MPC2: variants seen among roughly 807,000 people sequenced by gnomAD.
MPC2 encodes the protein mitochondrial pyruvate carrier 2.
A neutral mutation model predicts 19.2 loss-of-function variants in MPC2; 19 were observed. The ratio of observed to expected loss-of-function variants is 0.99; its 90% CI spans 0.69 to 1.45. The LOEUF is 1.45. MPC2 is among the 40% of genes most tolerant of loss of function. MPC2 has a pLI of 0.00. For synonymous variants in MPC2, 61 were observed against 54.3 expected (o/e 1.12, Z -0.54); for missense variants, 122 against 153.0 (o/e 0.80, Z 1.07).
Position 167,919,962 on chromosome 1 carries a change from A to G in MPC2, c.347+17T>C. 2 of 1,574,268 alleles carry G rather than the reference A, an allele frequency of 1.3e-6. No individual in the cohort carries two copies. The highest frequency in any genetic ancestry group is 1.7e-6 in the Non-Finnish European group (2 of 1,158,800). On this transcript the variant is annotated intron_variant, in intron 5 of 5. Transcript: ENST00000271373. ...TAGCTTTTGCAACAGTTTTAAAAAT[A>G]TCTCTGGTAGGCTTACCTCCAAATA...
chr1:167,921,646 A>G (rs1670604479), intron 3 of MPC2, among the ~76,000 whole-genome samples: 1 of 152,140 alleles, frequency 6.6e-6, no homozygotes, highest in Non-Finnish European at 1.5e-5. Flanking sequence ...TATTTTTACC[A>G]AGTCACTATG....
intron 3 of MPC2, 163 bp downstream of exon 3, chr1:167,924,334 C>T: frequency 3.9e-6 from 2 of 512,778 alleles, no homozygotes. Context: ...TAGATAGTTG[C>T]TTTATGTAGA....
At chr1:167,932,607 G>A (rs1026522289) in intron 2 of MPC2, among the ~76,000 whole-genome samples, 11 of 152,024 alleles carry the variant, frequency 7.2e-5, no homozygotes, top group Non-Finnish European at 1.6e-4. Flanking sequence ...TCAGGAGTTT[G>A]AGACCAGCCT....
At chr1:167,934,628 T>C (rs1455479603) in intron 2 of MPC2, among the ~76,000 whole-genome samples, 1 of 152,232 alleles carries the variant, frequency 6.6e-6, no homozygotes, top group African/African-American at 2.4e-5. Flanking sequence ...TAGTAACCAG[T>C]TCAGACTCCA....
At chr1:167,935,384 C>A (rs767503488) in intron 2 of MPC2, among the ~76,000 whole-genome samples, 39 of 152,106 alleles carry the variant, frequency 2.6e-4, no homozygotes, top group Non-Finnish European at 1.5e-4. Flanking sequence ...TGCCACAATT[C>A]GAAAAGAGAA....
intron 2 of MPC2, among the ~76,000 whole-genome samples, chr1:167,929,176 T>C (rs182675762): frequency 1.5e-4 from 22 of 150,792 alleles, no homozygotes; most frequent in African/African-American, 5.4e-4. Flanking sequence ...CTGACCAACA[T>C]GGAGAAACCC....
chr1:167,921,015 C>T (rs571693817), intron 3 of MPC2, among the ~76,000 whole-genome samples: 1 of 152,094 alleles, frequency 6.6e-6, no homozygotes, highest in Non-Finnish European at 1.5e-5. Flanking sequence ...TGGAAGATAC[C>T]TAAAAGCTGT....
chr1:167,936,285 T>C (rs75094526), intron 1 of MPC2: 16,392 of 204,314 alleles, frequency 0.08, 786 homozygotes, highest in Middle Eastern at 0.1. Context: ...AAAGTGAAGC[T>C]GCGCTGGTTC....
chr1:167,920,181 T>C (rs1325951885), intron 4 of MPC2, 91 bp from the exon 5 acceptor site: 1 of 793,472 alleles, frequency 1.3e-6, no homozygotes, highest in East Asian at 2.6e-5. Flanking sequence ...ATTACAACAA[T>C]AATGTAGGAT....
chr1:167,936,128 C>T, intron 1 of MPC2: 1 of 466,502 alleles, frequency 2.1e-6, no homozygotes, highest in East Asian at 4.3e-5. Flanking sequence ...AAAATAATCA[C>T]CTCACCAAGT....
Position 167,920,637 on chromosome 1 carries a change from C to G in MPC2, c.151-6G>C. 6.2e-7 allele frequency: 1 copy of G among 1,609,140 alleles called. No individual in the cohort carries two copies. Among genetic ancestry groups the G allele is most frequent in the Non-Finnish European group, 8.5e-7 (1 of 1,178,006 alleles). On this transcript the variant is annotated splice_region_variant and splice_polypyrimidine_tract_variant and intron_variant, in intron 3 of 5. Coordinates refer to ENST00000271373, the MANE Select transcript of MPC2 (RefSeq NM_001143674.4). ...AATCCAGCACACACCAACCCCTACA[C>G]ATTAACGCATAGAAAGAAAAAAAGT...
intron 4 of MPC2, 146 bp downstream of exon 4, chr1:167,920,401 A>C: frequency 1.2e-6 from 1 of 861,444 alleles, no homozygotes; most frequent in African/African-American, 1.7e-5. Flanking sequence ...TCCATCCATA[A>C]CTTAATAACT....
rs572962307 is a variant in MPC2, at chr1:167,927,665, GGTTGATCCTTTGGGGTTAATA to G, written c.110-3149_110-3129del. Reference sequence around the variant, plus strand: ...GCTTAAATGGCTGACAGGCTTAAATGGTTGATCCTTTGGGGTTAATAGTCGATCTTTTCAGTAGGTTTGCCT... The same window carrying G: ...GCTTAAATGGCTGACAGGCTTAAATGGTCGATCTTTTCAGTAGGTTTGCCT... On this transcript the variant is annotated intron_variant, in intron 2 of 5. Transcript: ENST00000271373. 4.9e-3 allele frequency among the ~76,000 whole-genome samples: 725 copies of G among 149,442 alleles called. 2 individuals carry two copies. The highest frequency in any genetic ancestry group is 0.018 in the African/African-American group (695 of 39,350).
chr1:167,926,148 C>G (rs910004616), intron 2 of MPC2, among the ~76,000 whole-genome samples: 10 of 152,196 alleles, frequency 6.6e-5, no homozygotes, highest in Admixed American at 5.9e-4. Context: ...CATCTGGTAT[C>G]TAACCATTTT....
At chr1:167,924,408 G>A (rs1222203085) in intron 3 of MPC2, 89 bp downstream of exon 3, 1 of 1,082,564 alleles carries the variant, frequency 9.2e-7, no homozygotes, top group Non-Finnish European at 1.4e-6. Context: ...ATACTCTAAA[G>A]TATATCCTTC....
intron 3 of MPC2, among the ~76,000 whole-genome samples, chr1:167,923,708 A>T (rs1670659196): frequency 6.6e-6 from 1 of 152,144 alleles, no homozygotes; most frequent in African/African-American, 2.4e-5. Context: ...ATTAAAAAAA[A>T]AAAAGCCTAC....
At chr1:167,930,391 A>G (rs1043435879) in intron 2 of MPC2, among the ~76,000 whole-genome samples, 1 of 152,198 alleles carries the variant, frequency 6.6e-6, no homozygotes, top group Non-Finnish European at 1.5e-5. Context: ...TACTGTAGGC[A>G]CTCATAAATC....
chr1:167,921,189 A>C (rs1670591274), intron 3 of MPC2, among the ~76,000 whole-genome samples: 1 of 152,038 alleles, frequency 6.6e-6, no homozygotes, highest in Non-Finnish European at 1.5e-5. Context: ...TAAAAGTATA[A>C]ATATCAGAAA....
At chr1:167,918,873 G>C (rs1670533980) in intron 5 of MPC2, among the ~76,000 whole-genome samples, 1 of 152,078 alleles carries the variant, frequency 6.6e-6, no homozygotes, top group Non-Finnish European at 1.5e-5. Context: ...GATTACAGGA[G>C]TGAGCCACCA....
Sources: allele counts gnomAD v4.1 joint callset (sites outside exome capture counted in the v4.1 genomes callset), GRCh38; gene constraint gnomAD v4.1.1; transcripts MANE v1.5; gene names NCBI Gene and HGNC (gene_info 2026-07-23, HGNC 2026-07-21).